RERE: variants seen among roughly 807,000 people sequenced by gnomAD.
The protein encoded by RERE is arginine-glutamic acid dipeptide repeats, also known as arginine-glutamic acid dipeptide repeats protein.
In RERE, 40 loss-of-function variants were observed where a neutral mutation model predicts 146.1. That is an observed-to-expected ratio of 0.27 (90% CI 0.21 to 0.36). The LOEUF is 0.36. Among genes scored for constraint, RERE ranks in the 10% least tolerant of loss-of-function variants. RERE has a pLI of 1.00. For synonymous variants in RERE, 1,003 were observed against 866.0 expected (o/e 1.16, Z -2.78); for missense variants, 1,933 against 2,138.7 (o/e 0.90, Z 1.90).
intron 11 of RERE, among the ~76,000 whole-genome samples, chr1:8,464,720 A>G (rs924285096): frequency 3.3e-5 from 5 of 152,060 alleles, no homozygotes; most frequent in African/African-American, 1.2e-4. Context: ...TCACCTTACT[A>G]AGGTCTCATC....
chr1:8,451,910 C>A (rs1448253881), intron 11 of RERE, among the ~76,000 whole-genome samples: 1 of 152,146 alleles, frequency 6.6e-6, no homozygotes. Flanking sequence ...CTATCCTTCC[C>A]CACACATTCA....
intron 4 of RERE, among the ~76,000 whole-genome samples, chr1:8,559,391 C>T (rs1457301153): frequency 1.3e-5 from 2 of 151,452 alleles, no homozygotes; most frequent in African/African-American, 4.9e-5. Flanking sequence ...ATACACATGC[C>T]TACAAAAATA....
chr1:8,690,611 G>A (rs1639187509), intron 1 of RERE, among the ~76,000 whole-genome samples: 1 of 152,126 alleles, frequency 6.6e-6, no homozygotes, highest in Non-Finnish European at 1.5e-5. Flanking sequence ...AACAGATGAG[G>A]GTATTTGGTG....
rs571773555 is a variant in RERE, at chr1:8,442,456, T to C, written c.1204-19649A>G. Among the ~76,000 whole-genome samples the C allele has an allele frequency of 1.1e-3, 163 of 151,906 alleles. 1 individual carries two copies. Among genetic ancestry groups the C allele is most frequent in the Non-Finnish European group, 2.0e-3 (138 of 67,988 alleles). On this transcript the variant is annotated intron_variant, in intron 11 of 22. Transcript: ENST00000400908. ...TCTTGCTCCTCCTTTCATCATGTGA[T>C]GTGCCTGCTCCTACTTCGTTTTCTA...
chr1:8,437,171 T>C (rs1644181284), intron 11 of RERE, among the ~76,000 whole-genome samples: 1 of 152,130 alleles, frequency 6.6e-6, no homozygotes, highest in Non-Finnish European at 1.5e-5. Context: ...CAAGGGAAAC[T>C]GAAGACCTCG....
At chr1:8,361,911 C>A in intron 16 of RERE, 35 bp from the exon 17 acceptor site, 1 of 1,423,688 alleles carries the variant, frequency 7.0e-7, no homozygotes, top group Non-Finnish European at 9.9e-7. Flanking sequence ...GCAATCAGGC[C>A]AAGGGAGACC....
intron 1 of RERE, among the ~76,000 whole-genome samples, chr1:8,675,546 C>T (rs1485051138): frequency 2.7e-5 from 4 of 149,236 alleles, no homozygotes. Context: ...TGGTGGCAAG[C>T]ACCTGTGGTT....
intron 4 of RERE, among the ~76,000 whole-genome samples, chr1:8,580,224 T>A (rs982891498): frequency 1.3e-5 from 2 of 152,172 alleles, no homozygotes; most frequent in Admixed American, 6.5e-5. Context: ...AAGAAAGAAT[T>A]CCATTACTAT....
intron 1 of RERE, among the ~76,000 whole-genome samples, chr1:8,793,415 T>C (rs1004724538): frequency 6.6e-6 from 1 of 152,166 alleles, no homozygotes; most frequent in African/African-American, 2.4e-5. Flanking sequence ...AAAAGATGTC[T>C]TGGATTTCAA....
intron 2 of RERE, among the ~76,000 whole-genome samples, chr1:8,627,970 A>C (rs1325736379): frequency 6.6e-6 from 1 of 152,108 alleles, no homozygotes; most frequent in Non-Finnish European, 1.5e-5. Flanking sequence ...TGCCTCACAC[A>C]CCTGGCCTGA....
chr1:8,417,460 T>C (rs990911001), intron 12 of RERE, among the ~76,000 whole-genome samples: 2 of 152,316 alleles, frequency 1.3e-5, no homozygotes, highest in Non-Finnish European at 2.9e-5. Context: ...TTCATCCCAT[T>C]ACTTAAAGTT....
intron 9 of RERE, among the ~76,000 whole-genome samples, chr1:8,497,062 TGGGGTTTTCA>T (rs1277560924): frequency 6.6e-6 from 1 of 152,064 alleles, no homozygotes; most frequent in Non-Finnish European, 1.5e-5. Context: ...CCCTCTGTAG[TGGGGTTTTCA>T]GATGAGCTGA....
Position 8,354,974 on chromosome 1 carries a change from G to A in RERE, c.*113C>T. The stretch of plus-strand genomic sequence containing the variant: ...AGTTGTGGGTTTTTAAATATATAAA[G>A]AAATCTTTAGAAGATATTCTTTTTG... On this transcript the variant is annotated 3_prime_UTR_variant, in exon 23 of 23. Coordinates refer to ENST00000400908, the MANE Select transcript of RERE (RefSeq NM_001042681.2). 1.2e-6 allele frequency: 1 copy of A among 842,548 alleles called. No homozygotes were observed. The highest frequency in any genetic ancestry group is 1.9e-6 in the Non-Finnish European group (1 of 527,152). 52.2% of individuals were successfully genotyped at this position (842,548 alleles called of 1,614,324 possible).
intron 1 of RERE, among the ~76,000 whole-genome samples, chr1:8,768,579 TTTAAG>T (rs1390987299): frequency 1.0e-3 from 158 of 152,322 alleles, no homozygotes; most frequent in African/African-American, 3.4e-3. Context: ...TTAAATTTTA[TTTAAG>T]TTAATTTAAA....
At chr1:8,542,644 T>C (rs1011623674) in intron 6 of RERE, among the ~76,000 whole-genome samples, 4 of 152,152 alleles carry the variant, frequency 2.6e-5, no homozygotes, top group Non-Finnish European at 5.9e-5. Context: ...GCAACATTAG[T>C]TGAGACCCCA....
chr1:8,535,159 A>G (rs983590623), intron 7 of RERE, among the ~76,000 whole-genome samples: 1 of 152,224 alleles, frequency 6.6e-6, no homozygotes, highest in Non-Finnish European at 1.5e-5. Context: ...TAAAAAAATA[A>G]TAACAATAAC....
At chr1:8,748,138 A>G (rs1173809147) in intron 1 of RERE, among the ~76,000 whole-genome samples, 4 of 152,200 alleles carry the variant, frequency 2.6e-5, no homozygotes, top group Non-Finnish European at 4.4e-5. Context: ...TCTAAAGTTC[A>G]AGACAATTCT....
At chr1:8,503,865 T>C (rs1182237104) in intron 8 of RERE, among the ~76,000 whole-genome samples, 1 of 152,204 alleles carries the variant, frequency 6.6e-6, no homozygotes, top group Non-Finnish European at 1.5e-5. Context: ...ATACTGTTTG[T>C]AGCCATGTGA....
chr1:8,446,191 C>G (rs1010675201), intron 11 of RERE, among the ~76,000 whole-genome samples: 50 of 152,178 alleles, frequency 3.3e-4, no homozygotes, highest in Non-Finnish European at 4.6e-4. Flanking sequence ...TATTGGCCCC[C>G]ACGGTCTTCT....
Sources: gnomAD v4.1 joint callset for allele counts (sites outside exome capture counted in the v4.1 genomes callset) on GRCh38, gnomAD v4.1.1 for gene constraint, MANE v1.5 for transcripts, NCBI Gene and HGNC (gene_info 2026-07-23, HGNC 2026-07-21) for gene names.